Variants in PDE1A observed in about 807,000 individuals in gnomAD.
The protein encoded by PDE1A is dual specificity calcium/calmodulin-dependent 3',5'-cyclic nucleotide phosphodiesterase 1A.
A neutral mutation model predicts 61.7 loss-of-function variants in PDE1A; 35 were observed. That is an observed-to-expected ratio of 0.57 (90% CI 0.43 to 0.75). The LOEUF (loss-of-function observed/expected upper bound fraction) is 0.75. PDE1A is among the 30% of genes least tolerant of loss of function. PDE1A has a pLI of 0.00. For missense variants in PDE1A, 597 were observed against 630.6 expected (o/e 0.95, Z 0.57); for synonymous variants, 232 against 213.2 (o/e 1.09, Z -0.77).
intron 6 of PDE1A, 151 bp from the exon 7 acceptor site, chr2:182,224,115 T>C: frequency 1.8e-6 from 1 of 565,512 alleles, no homozygotes; most frequent in Non-Finnish European, 3.1e-6. Context: ...CCTCCACTAA[T>C]TGTGCAAGAT....
intron 1 of PDE1A, among the ~76,000 whole-genome samples, chr2:182,383,699 A>G (rs1395940128): frequency 6.6e-6 from 1 of 152,204 alleles, no homozygotes. Flanking sequence ...AAGAGCTAAG[A>G]AAACCAGGTG....
At chr2:182,603,380 T>A in the PDE1A span, among the ~76,000 whole-genome samples, 1 of 152,190 alleles carries the variant, frequency 6.6e-6, no homozygotes, top group African/African-American at 2.4e-5. Flanking sequence ...GAAGTCTCAT[T>A]CTTTTGCCCA....
chr2:182,426,838 T>C lies in PDE1A; in HGVS notation c.-208A>G, dbSNP rs539325111. 1.4e-4 allele frequency: 191 copies of C among 1,387,274 alleles called. 1 individual carries two copies. The African/African-American group carries it at 2.2e-3, about 16-fold the overall frequency. The allele number at this position is 1,387,274 out of a possible 1,614,324, so 85.9% of individuals were successfully genotyped here. A position where few individuals can be genotyped will look rare whatever the true frequency, so the allele number is the denominator to read the frequency against. On this transcript the variant is annotated 5_prime_UTR_variant, in exon 1 of 14. Transcript: ENST00000351439. ...TAGAGGCCACATAAGACAGGCACGT[T>C]GGGGCACTCCCCCACAGAGCAGGGT...
intron 1 of PDE1A, 104 bp downstream of exon 1, chr2:182,426,474 A>AT (rs1419899090): frequency 3.7e-6 from 3 of 820,506 alleles, no homozygotes; most frequent in African/African-American, 1.7e-5. Context: ...AGCACTCTTG[A>AT]TTGCTCTGCT....
At chr2:182,555,246 G>C in the PDE1A span, among the ~76,000 whole-genome samples, 1 of 152,170 alleles carries the variant, frequency 6.6e-6, no homozygotes, top group African/African-American at 2.4e-5. Flanking sequence ...ATTCACAACA[G>C]CTTTCCATGC....
intron 13 of PDE1A, among the ~76,000 whole-genome samples, chr2:182,180,843 A>G (rs1003251785): frequency 2.0e-5 from 3 of 151,102 alleles, no homozygotes; most frequent in African/African-American, 7.3e-5. Flanking sequence ...GATGGTCTTC[A>G]AATTCTGATA....
the PDE1A span, among the ~76,000 whole-genome samples, chr2:182,663,731 T>C: frequency 6.6e-6 from 1 of 151,990 alleles, no homozygotes; most frequent in Non-Finnish European, 1.5e-5. Flanking sequence ...GTACCAGGCT[T>C]AGTACGTGAG....
At chr2:182,628,153 C>T in the PDE1A span, among the ~76,000 whole-genome samples, 1 of 151,968 alleles carries the variant, frequency 6.6e-6, no homozygotes, top group Non-Finnish European at 1.5e-5. Context: ...CTTTGCTTAT[C>T]CTTACTTGGC....
the PDE1A span, among the ~76,000 whole-genome samples, chr2:182,565,707 A>T: frequency 1.3e-5 from 2 of 152,210 alleles, no homozygotes; most frequent in Admixed American, 1.3e-4. Context: ...CTAATGACTC[A>T]CATGCTATTT....
At chr2:182,377,034 A>G (rs918285373) in intron 1 of PDE1A, among the ~76,000 whole-genome samples, 2 of 152,190 alleles carry the variant, frequency 1.3e-5, no homozygotes, top group East Asian at 3.8e-4. Context: ...ACAATTCAAG[A>G]TGAGATTTGG....
downstream of PDE1A, among the ~76,000 whole-genome samples, chr2:182,145,229 T>C (rs1403270750): frequency 6.6e-6 from 1 of 152,168 alleles, no homozygotes; most frequent in Non-Finnish European, 1.5e-5. Context: ...CAGAATTCTA[T>C]TGAGGTTACA....
chr2:182,682,473 T>C, the PDE1A span, among the ~76,000 whole-genome samples: 1 of 152,130 alleles, frequency 6.6e-6, no homozygotes, highest in Non-Finnish European at 1.5e-5. Flanking sequence ...CCAGATGCAA[T>C]GATCTAGTAA....
chr2:182,207,589 A>G (rs116432120), intron 7 of PDE1A, among the ~76,000 whole-genome samples: 1 of 152,246 alleles, frequency 6.6e-6, no homozygotes, highest in African/African-American at 2.4e-5. Context: ...AAATAGTTGC[A>G]GCCTGACCAT....
intron 7 of PDE1A, among the ~76,000 whole-genome samples, chr2:182,210,929 A>G (rs1687539154): frequency 6.6e-6 from 1 of 152,090 alleles, no homozygotes. Context: ...TATTTATCAC[A>G]GTTCTTAACT....
chr2:182,201,630 C>T (rs1559175703), intron 9 of PDE1A, 58 bp downstream of exon 9: 3 of 1,389,572 alleles, frequency 2.2e-6, no homozygotes, highest in Admixed American at 2.2e-5. Flanking sequence ...TGAGGCCAAG[C>T]CCCTGGAACT....
chr2:182,484,285 C>G (rs547624644), intron 2 of PDE1A, among the ~76,000 whole-genome samples: 5 of 151,870 alleles, frequency 3.3e-5, no homozygotes, highest in Non-Finnish European at 7.4e-5. Context: ...GAAAAGAAAA[C>G]TATAGAACAA....
the PDE1A span, among the ~76,000 whole-genome samples, chr2:182,699,474 A>G: frequency 6.6e-6 from 1 of 152,252 alleles, no homozygotes; most frequent in African/African-American, 2.4e-5. Flanking sequence ...AATAAACTTT[A>G]GCATGCATAA....
intron 7 of PDE1A, among the ~76,000 whole-genome samples, chr2:182,218,516 A>C (rs903568080): frequency 1.3e-5 from 2 of 152,082 alleles, no homozygotes; most frequent in Non-Finnish European, 2.9e-5. Flanking sequence ...TATTTATCCC[A>C]TCTAACTGAA....
chr2:182,515,571 C>T (rs1690080698), intron 2 of PDE1A, among the ~76,000 whole-genome samples: 1 of 152,086 alleles, frequency 6.6e-6, no homozygotes, highest in Admixed American at 6.6e-5. Context: ...TTATGTAGGA[C>T]TGAATATTAA....
Sources: allele counts gnomAD v4.1 joint callset (sites outside exome capture counted in the v4.1 genomes callset), GRCh38; gene constraint gnomAD v4.1.1; transcripts MANE v1.5; gene names NCBI Gene and HGNC (gene_info 2026-07-23, HGNC 2026-07-21).